Variants in HSD17B12 observed in about 807,000 individuals in gnomAD.
HSD17B12 encodes very-long-chain 3-oxoacyl-CoA reductase.
Under a neutral mutation model 39.3 loss-of-function variants are expected in HSD17B12, and 32 were observed. That is an observed-to-expected ratio of 0.81 (90% CI 0.61 to 1.09). The LOEUF (loss-of-function observed/expected upper bound fraction) is 1.09, where lower values mean the gene tolerates loss of function less well. Ranked by LOEUF, HSD17B12 falls within the 50% of genes least tolerant of loss-of-function variation. The probability of loss-of-function intolerance (pLI) is 0.00; values close to 1 mark genes in which losing one functional copy is unlikely to be tolerated. For missense variants in HSD17B12, 342 were observed against 382.9 expected (o/e 0.89, Z 0.89); for synonymous variants, 150 against 146.7 (o/e 1.02, Z -0.16).
intron 1 of HSD17B12, among the ~76,000 whole-genome samples, chr11:43,696,531 G>T (rs1016887625): frequency 6.6e-6 from 1 of 152,234 alleles, no homozygotes; most frequent in Non-Finnish European, 1.5e-5. Context: ...TGCTGGTGAG[G>T]CTGTGGAGAA....
At chr11:43,680,548 C>T, upstream of HSD17B12, 1 of 478,684 alleles carries the variant, frequency 2.1e-6, no homozygotes, top group Non-Finnish European at 3.8e-6. Context: ...TGGGGTGAGA[C>T]AGGGCGCTCA....
At chr11:43,677,815 G>A (rs1178338270), upstream of HSD17B12, among the ~76,000 whole-genome samples, 1 of 152,170 alleles carries the variant, frequency 6.6e-6, no homozygotes, top group Non-Finnish European at 1.5e-5. Flanking sequence ...GTGTATATGT[G>A]CCACTTTTTG....
chr11:43,739,187 G>T (rs1402936283), intron 1 of HSD17B12, among the ~76,000 whole-genome samples: 1 of 152,148 alleles, frequency 6.6e-6, no homozygotes, highest in East Asian at 1.9e-4. Context: ...TTTCAGTCGG[G>T]TGTGACAAGA....
At chr11:43,690,392 A>ATTTTTTTT (rs1565049755) in intron 1 of HSD17B12, among the ~76,000 whole-genome samples, 2 of 18,100 alleles carry the variant, frequency 1.1e-4, no homozygotes, top group African/African-American at 3.2e-4. Context: ...ATATATATAT[A>ATTTTTTTT]TATATATATA....
intron 6 of HSD17B12, among the ~76,000 whole-genome samples, chr11:43,824,048 GA>G (rs144452302): frequency 0.22 from 33,733 of 152,040 alleles, 3,969 homozygotes; most frequent in Middle Eastern, 0.37. Context: ...TTTACACCGA[GA>G]TTTCTAACTT....
At chr11:43,600,071 C>G in the HSD17B12 span, among the ~76,000 whole-genome samples, 1 of 152,050 alleles carries the variant, frequency 6.6e-6, no homozygotes, top group African/African-American at 2.4e-5. Flanking sequence ...TTTTTCTCTT[C>G]CCACCTCCAT....
the HSD17B12 span, among the ~76,000 whole-genome samples, chr11:43,669,143 C>A: frequency 6.6e-6 from 1 of 151,940 alleles, no homozygotes; most frequent in African/African-American, 2.4e-5. Context: ...CAGAAAACTA[C>A]CCAAGTGTGT....
intron 4 of HSD17B12, among the ~76,000 whole-genome samples, chr11:43,801,226 G>A (rs577122182): frequency 1.4e-4 from 22 of 152,116 alleles, no homozygotes; most frequent in Non-Finnish European, 8.8e-5. Flanking sequence ...ATAATTATCT[G>A]TGGGATAAGT....
intron 6 of HSD17B12, among the ~76,000 whole-genome samples, chr11:43,822,321 T>G (rs938229159): frequency 6.6e-6 from 1 of 152,150 alleles, no homozygotes; most frequent in Non-Finnish European, 1.5e-5. Flanking sequence ...CTTTTTTAAG[T>G]CAACTTGAGA....
the HSD17B12 span, among the ~76,000 whole-genome samples, chr11:43,585,400 C>T: frequency 6.6e-6 from 1 of 152,144 alleles, no homozygotes; most frequent in Middle Eastern, 3.2e-3. Context: ...CTGCCTAATC[C>T]TTGGAGGTCA....
intron 1 of HSD17B12, among the ~76,000 whole-genome samples, chr11:43,684,383 C>CA (rs1332593523): frequency 6.6e-6 from 1 of 152,190 alleles, no homozygotes; most frequent in East Asian, 1.9e-4. Flanking sequence ...AAGGAAAGAA[C>CA]AGTCACTGCT....
chr11:43,737,941 C>T (rs955938132), intron 1 of HSD17B12, among the ~76,000 whole-genome samples: 10 of 151,312 alleles, frequency 6.6e-5, no homozygotes, highest in South Asian at 2.1e-4. Flanking sequence ...GGCATGGTGG[C>T]GGGCGCCTGT....
At chr11:43,750,819 T>C in intron 1 of HSD17B12, 92 bp from the exon 2 acceptor site, 1 of 797,922 alleles carries the variant, frequency 1.3e-6, no homozygotes, top group Non-Finnish European at 2.1e-6. Context: ...AGTGTCACAC[T>C]GGTCCTTTTG....
chr11:43,837,923 C>A lies in HSD17B12; in HGVS notation c.537-394C>A, dbSNP rs1421454490. 4 of 171,436 alleles carry A rather than the reference C, an allele frequency of 2.3e-5. No individual in the cohort carries two copies. The East Asian group carries it at 6.4e-4, about 27-fold the overall frequency. The allele number at this position is 171,436 out of a possible 1,614,324, so 10.6% of individuals were successfully genotyped here. ...GTTTATATACATAGAATGATTAAAT[C>A]CTACAGTAAAGTAGTATGTGACGAT... On this transcript the variant is annotated intron_variant, in intron 7 of 10. Coordinates refer to ENST00000278353, the MANE Select transcript of HSD17B12 (RefSeq NM_016142.3).
the HSD17B12 span, among the ~76,000 whole-genome samples, chr11:43,589,925 G>A: frequency 6.6e-6 from 1 of 152,154 alleles, no homozygotes; most frequent in African/African-American, 2.4e-5. Flanking sequence ...GATATTAAAA[G>A]TATCTGTTTC....
chr11:43,573,165 C>T, the HSD17B12 span, among the ~76,000 whole-genome samples: 2 of 152,218 alleles, frequency 1.3e-5, no homozygotes, highest in African/African-American at 4.8e-5. Flanking sequence ...GCGGTTTTCA[C>T]CTTGGACAGG....
chr11:43,836,860 A>G (rs532752798), intron 7 of HSD17B12, among the ~76,000 whole-genome samples: 1 of 152,322 alleles, frequency 6.6e-6, no homozygotes, highest in Non-Finnish European at 1.5e-5. Context: ...AAAAGAAAAG[A>G]CTTTTCTGCT....
chr11:43,679,399 G>C (rs186661201), upstream of HSD17B12, among the ~76,000 whole-genome samples: 139 of 152,296 alleles, frequency 9.1e-4, no homozygotes, highest in Middle Eastern at 3.4e-3. Context: ...AAAAGAGGCA[G>C]TCAAATTGTC....
chr11:43,785,047 G>C (rs1436814716), intron 3 of HSD17B12, among the ~76,000 whole-genome samples: 1 of 152,048 alleles, frequency 6.6e-6, no homozygotes, highest in Non-Finnish European at 1.5e-5. Context: ...CATAACATGA[G>C]GAAATGCTTA....
Sources: gnomAD v4.1 joint callset for allele counts (sites outside exome capture counted in the v4.1 genomes callset) on GRCh38, gnomAD v4.1.1 for gene constraint, MANE v1.5 for transcripts, NCBI Gene and HGNC (gene_info 2026-07-23, HGNC 2026-07-21) for gene names.